Variants in PSMA8 observed in about 807,000 individuals in gnomAD.
The protein encoded by PSMA8 is proteasome 20S subunit alpha 8.
In PSMA8, 18 loss-of-function variants were observed where a neutral mutation model predicts 32.4. The ratio of observed to expected loss-of-function variants is 0.56; its 90% CI spans 0.38 to 0.82. The LOEUF is 0.82. Ranked by LOEUF, PSMA8 falls within the 40% of genes least tolerant of loss-of-function variation. The pLI is 0.00. For missense variants in PSMA8, 298 were observed against 300.7 expected (o/e 0.99, Z 0.07); for synonymous variants, 104 against 98.1 (o/e 1.06, Z -0.36).
chr18:26,154,052 C>T (rs915100138), intron 3 of PSMA8, among the ~76,000 whole-genome samples: 10 of 152,136 alleles, frequency 6.6e-5, no homozygotes, highest in African/African-American at 1.9e-4. Context: ...CCGGCACATG[C>T]CACCACACCT....
chr18:26,181,795 G>A (rs961989618), intron 6 of PSMA8, among the ~76,000 whole-genome samples: 1 of 152,130 alleles, frequency 6.6e-6, no homozygotes, highest in Non-Finnish European at 1.5e-5. Context: ...GTGGTGGCAC[G>A]CACCTGTAAT....
rs1468281247 is a variant in PSMA8, at chr18:26,192,366, G to A, written c.708G>A (p.Lys236=). Residue 236 remains lysine, a synonymous_variant, in exon 7 of 7, where the codon AAG becomes AAA. Transcript: ENST00000415576. Reference sequence around the variant, plus strand: ...AATTATATGTAACTGAAATAGAAAAGGAAAAGGAAGAAGCAGAGAAGAAAA... The same window carrying A: ...AATTATATGTAACTGAAATAGAAAAAGAAAAGGAAGAAGCAGAGAAGAAAA... ...EVELYVTEIE[K]EKEEAEKKKS... 6.6e-7 allele frequency: 1 copy of A among 1,520,214 alleles called. No homozygotes were observed. Among genetic ancestry groups the A allele is most frequent in the Non-Finnish European group, 8.7e-7 (1 of 1,146,330 alleles). The allele number at this position is 1,520,214 out of a possible 1,614,324, so 94.2% of individuals were successfully genotyped here. A position where few individuals can be genotyped will look rare whatever the true frequency, so the allele number is the denominator to read the frequency against.
rs1460270017 is a variant in PSMA8, at chr18:26,151,882, T to C, written c.254T>C (p.Val85Ala). Residue 85 changes from valine (V) to alanine (A), a missense_variant, in exon 3 of 7, where the codon GTA (valine) becomes GCA (alanine). Transcript: ENST00000415576. ...FAGLTADARV[V>A]INRARVECQS... ...GGACTTACTGCTGATGCTAGAGTAG[T>C]AATAAACAGAGCCCGTGTGGAGTGC... 1 of 1,610,390 alleles carries C rather than the reference T, an allele frequency of 6.2e-7. No individual in the cohort carries two copies. The highest frequency in any genetic ancestry group is 1.3e-5 in the African/African-American group (1 of 74,866).
At position 26,179,108 on chromosome 18, in the gene PSMA8, T is replaced by G. The variant is rs1216837442; in HGVS notation, c.638T>G (p.Ile213Arg). The G allele has an allele frequency of 8.1e-6, 13 of 1,612,024 alleles. No individual in the cohort carries two copies. Among genetic ancestry groups the G allele is most frequent in the Middle Eastern group, 1.8e-4 (1 of 5,702 alleles). The change falls in exon 6 of 7, where the codon ATA (isoleucine) becomes AGA (arginine). Residue 213 changes from isoleucine to arginine, a missense_variant. Coordinates refer to ENST00000415576, the MANE Select transcript of PSMA8 (RefSeq NM_001025096.2). ...GGAAAAAACATTGAACTTGCTATAA[T>G]AAGAAGAAATCAACCTTTGAAGGTA... ...SGGKNIELAI[I>R]RRNQPLKMFS...
chr18:26,151,827 GGTTTTT>G (rs1435911383), intron 2 of PSMA8, 25 bp from the exon 3 acceptor site: 1 of 1,566,302 alleles, frequency 6.4e-7, no homozygotes, highest in Non-Finnish European at 8.6e-7. Context: ...ATGTTTTTGT[GGTTTTT>G]GTGAAGTTTT....
At chr18:26,180,572 G>A (rs1476892941) in intron 6 of PSMA8, among the ~76,000 whole-genome samples, 2 of 152,066 alleles carry the variant, frequency 1.3e-5, no homozygotes, top group Admixed American at 6.6e-5. Flanking sequence ...TATTATCCAG[G>A]TTTTTGTCAC....
chr18:26,183,819 T>C (rs576391346), intron 6 of PSMA8, among the ~76,000 whole-genome samples: 7 of 150,826 alleles, frequency 4.6e-5, no homozygotes, highest in Admixed American at 2.6e-4. Context: ...GAGAAATCTT[T>C]TGGGAAAGGA....
intron 4 of PSMA8, among the ~76,000 whole-genome samples, chr18:26,167,891 T>C (rs2055193080): frequency 7.8e-6 from 1 of 128,622 alleles, no homozygotes; most frequent in South Asian, 2.2e-4. Context: ...TTTATTAAGA[T>C]GGAATTGTTC....
At chr18:26,144,746 ACCT>A in intron 2 of PSMA8, 61 bp downstream of exon 2, 1 of 1,481,478 alleles carries the variant, frequency 6.8e-7, no homozygotes, top group South Asian at 1.2e-5. Flanking sequence ...AACACAGTTA[ACCT>A]CAGTGCTGCA....
At chr18:26,147,611 C>T (rs1300317509) in intron 2 of PSMA8, among the ~76,000 whole-genome samples, 2 of 151,934 alleles carry the variant, frequency 1.3e-5, no homozygotes, top group African/African-American at 2.4e-5. Flanking sequence ...TGACTCTTTC[C>T]CCTAGATTGT....
chr18:26,152,207 T>A (rs1383356559), intron 3 of PSMA8, among the ~76,000 whole-genome samples: 1 of 152,166 alleles, frequency 6.6e-6, no homozygotes, highest in African/African-American at 2.4e-5. Context: ...CATTCAAATT[T>A]AAAAAAACAG....
At chr18:26,188,277 A>G (rs1440253049) in intron 6 of PSMA8, among the ~76,000 whole-genome samples, 2 of 151,912 alleles carry the variant, frequency 1.3e-5, no homozygotes, top group African/African-American at 4.8e-5. Context: ...CATATGGAAT[A>G]CAGTGAAAGC....
chr18:26,146,142 A>G (rs1598645027), intron 2 of PSMA8, among the ~76,000 whole-genome samples: 1 of 150,124 alleles, frequency 6.7e-6, no homozygotes, highest in Non-Finnish European at 1.5e-5. Flanking sequence ...TTGCCCCTAT[A>G]CAGCAAATAA....
intron 1 of PSMA8, among the ~76,000 whole-genome samples, chr18:26,139,293 A>G (rs932707539): frequency 6.6e-6 from 1 of 152,188 alleles, no homozygotes; most frequent in Non-Finnish European, 1.5e-5. Context: ...TTCAAAATCT[A>G]GTAGGGAACT....
intron 4 of PSMA8, among the ~76,000 whole-genome samples, chr18:26,166,698 A>G (rs1248473951): frequency 6.6e-6 from 1 of 152,226 alleles, no homozygotes; most frequent in African/African-American, 2.4e-5. Flanking sequence ...TTGACAAAAC[A>G]ATAAATAACC....
intron 3 of PSMA8, among the ~76,000 whole-genome samples, chr18:26,153,830 A>G (rs2055065236): frequency 6.6e-6 from 1 of 152,188 alleles, no homozygotes; most frequent in Non-Finnish European, 1.5e-5. Context: ...ATTATAGAGT[A>G]AATGATTTAA....
intron 4 of PSMA8, among the ~76,000 whole-genome samples, chr18:26,164,398 T>C (rs993450404): frequency 9.2e-5 from 14 of 152,256 alleles, no homozygotes; most frequent in Non-Finnish European, 1.3e-4. Context: ...TGCCACATAT[T>C]ACTTGTTAAT....
At chr18:26,159,125 T>C (rs967059327) in intron 4 of PSMA8, among the ~76,000 whole-genome samples, 3 of 152,160 alleles carry the variant, frequency 2.0e-5, no homozygotes, top group Non-Finnish European at 2.9e-5. Flanking sequence ...TTTGACTTTA[T>C]TAAAAGTTAA....
chr18:26,151,936 CA>C lies in PSMA8; in HGVS notation c.309del (p.Val104SerfsTer3). 6.2e-7 allele frequency: 1 copy of C among 1,612,174 alleles called. No individual in the cohort carries two copies. Among genetic ancestry groups the C allele is most frequent in the Non-Finnish European group, 8.5e-7 (1 of 1,179,300 alleles). ...CQSHKLTVED[P>X]VTVEYITRFI... The stretch of plus-strand genomic sequence containing the variant: ...AGCCATAAGCTTACGGTTGAGGACC[CA>C]GTCACTGTAGAATACATAACTCGCT... On this transcript the variant is annotated frameshift_variant, in exon 3 of 7. Transcript: ENST00000415576. LOFTEE classifies it high-confidence loss of function.
Sources: gnomAD v4.1 joint callset for allele counts (sites outside exome capture counted in the v4.1 genomes callset) on GRCh38, gnomAD v4.1.1 for gene constraint, MANE v1.5 for transcripts, NCBI Gene and HGNC (gene_info 2026-07-23, HGNC 2026-07-21) for gene names.